The following SYP variants were observed in gnomAD, a reference collection of about 807,000 sequenced individuals.
The protein encoded by SYP is synaptophysin, also known as major synaptic vesicle protein P38.
In SYP, 2 loss-of-function variants were observed where a neutral mutation model predicts 24.3. The observed-to-expected ratio is 0.08, with a 90% CI of 0.03 to 0.26. The LOEUF is 0.26. SYP is among the 10% of genes least tolerant of loss of function. The probability of loss-of-function intolerance (pLI) is 1.00; values close to 1 mark genes in which losing one functional copy is unlikely to be tolerated. For missense variants in SYP, 216 were observed against 266.3 expected, an observed-to-expected ratio of 0.81 and a Z score of 1.32; for synonymous variants, 143 against 123.2, an observed-to-expected ratio of 1.16 and a Z score of -1.07.
Position 49,198,886 on chromosome X carries a change from C to T in SYP, c.102+82G>A, listed in dbSNP as rs181488526. On this transcript the variant is annotated intron_variant, in intron 2 of 6. Coordinates refer to ENST00000263233, the MANE Select transcript of SYP (RefSeq NM_003179.3). ...CCCGCACTCATCCCTGGCTACTCGCCCCTACTCCACCCCTGCTCTTCTGGA... is the reference window on the plus strand; with the variant it reads ...CCCGCACTCATCCCTGGCTACTCGCTCCTACTCCACCCCTGCTCTTCTGGA... 5.3e-4 allele frequency: 573 copies of T among 1,090,793 alleles called. 2 individuals carry two copies. The highest frequency in any genetic ancestry group is 6.7e-4 in the Admixed American group (28 of 41,530). 89.9% of individuals were successfully genotyped at this position (1,090,793 alleles called of 1,213,427 possible).
In SYP at chrX:49,188,953, C is replaced by T. The variant is rs1485235005; in HGVS notation, c.*334G>A. ...GTCACGCCCACCCTCCCCACACAGC[C>T]GAGGTCTGTTCCCTCCCTGTCCTCC... On this transcript the variant is annotated 3_prime_UTR_variant, in exon 7 of 7. Coordinates refer to ENST00000263233, the MANE Select transcript of SYP (RefSeq NM_003179.3). 1 of 109,689 alleles carries T rather than the reference C, an allele frequency of 9.1e-6. No individual in the cohort carries two copies. The highest frequency in any genetic ancestry group is 3.9e-4 in the South Asian group (1 of 2,573). 9.0% of individuals were successfully genotyped at this position (109,689 alleles called of 1,213,427 possible).
intron 3 of SYP, 43 bp downstream of exon 3, chrX:49,197,672 C>G: frequency 1.7e-6 from 2 of 1,198,143 alleles, no homozygotes; most frequent in Non-Finnish European, 2.3e-6. Flanking sequence ...CACCCTGCCC[C>G]TTCCTCTCCC....
At chrX:49,197,012 T>G (rs2065530625) in intron 3 of SYP, 1 of 109,138 alleles carries the variant, frequency 9.2e-6, no homozygotes, top group South Asian at 3.9e-4. Context: ...GGTTTTTTTT[T>G]TTTTGGAGAT....
chrX:49,198,631 A>C (rs1331435899), intron 2 of SYP: 2 of 281,855 alleles, frequency 7.1e-6, no homozygotes, highest in East Asian at 5.7e-5. Flanking sequence ...TCTCTCTGTC[A>C]CCTTCACTGT....
chrX:49,193,985 A>G (rs1050484880), intron 4 of SYP, among the ~76,000 whole-genome samples, 181 bp downstream of exon 4: 5 of 110,302 alleles, frequency 4.5e-5, no homozygotes, highest in Non-Finnish European at 9.5e-5. Context: ...CCGTGACTCT[A>G]TGACTCTGTG....
At chrX:49,194,684 G>C (rs1410808217) in intron 3 of SYP, among the ~76,000 whole-genome samples, 1 of 105,888 alleles carries the variant, frequency 9.4e-6, no homozygotes, top group African/African-American at 3.5e-5. Context: ...AGATAGCTTC[G>C]GGTCTTACTC....
chrX:49,194,522 C>G (rs2065521685), intron 3 of SYP, among the ~76,000 whole-genome samples, 161 bp from the exon 4 acceptor site: 1 of 110,598 alleles, frequency 9.0e-6, no homozygotes. Flanking sequence ...ACTGATTGCT[C>G]AAAACATCCT....
At chrX:49,189,335 C>G (rs1180844124) in intron 6 of SYP, 53 bp from the exon 7 acceptor site, 1 of 109,079 alleles carries the variant, frequency 9.2e-6, no homozygotes, top group Non-Finnish European at 1.9e-5. Flanking sequence ...GGGTGGCGCC[C>G]TCAGATAGGG....
rs1292636148 is a variant in SYP, at chrX:49,197,701, G to A, written c.227+14C>T. ...CTCTCCCAGGTCTGTTGGTATCCCAGGGTGGGAGCACACCTGAAGGGGTAC... is the reference window on the plus strand; with the variant it reads ...CTCTCCCAGGTCTGTTGGTATCCCAAGGTGGGAGCACACCTGAAGGGGTAC... On this transcript the variant is annotated intron_variant, in intron 3 of 6. Coordinates refer to ENST00000263233, the MANE Select transcript of SYP (RefSeq NM_003179.3). 4.2e-6 allele frequency: 5 copies of A among 1,204,650 alleles called. No individual in the cohort carries two copies. Among genetic ancestry groups the A allele is most frequent in the Non-Finnish European group, 5.6e-6 (5 of 892,117 alleles).
At chrX:49,199,207 G>A (rs1557103677) in intron 1 of SYP, 174 bp from the exon 2 acceptor site, 1 of 494,116 alleles carries the variant, frequency 2.0e-6, no homozygotes, top group African/African-American at 2.4e-5. Flanking sequence ...AGGACTGGTG[G>A]GAAGGTCTGA....
At chrX:49,197,588 G>A (rs1387607941) in intron 3 of SYP, 127 bp downstream of exon 3, 1 of 986,567 alleles carries the variant, frequency 1.0e-6, no homozygotes, top group Admixed American at 2.7e-5. Context: ...CAGGTGCTCA[G>A]TGATCCCAGT....
rs782630975 is a variant in SYP at position 49,191,574 on chromosome X, C to T, written c.805G>A (p.Gly269Arg). 13 of 1,208,677 alleles carry T rather than the reference C, an allele frequency of 1.1e-5. No individual in the cohort carries two copies. The South Asian group carries it at 1.6e-4, about 15-fold the overall frequency. The change falls in exon 6 of 7, where the codon GGG (glycine) becomes AGG (arginine). Residue 269 changes from glycine to arginine, a missense_variant. By Grantham distance (125) the Gly-to-Arg change is moderately radical. Transcript: ENST00000263233. ...PGGYGPQDSY[G>R]PQGGYQPDYG... Reference sequence around the variant, plus strand: ...TCAGGCTGGTAGCCGCCCTGAGGCCCGTAGGAATCCTGGGGCCCGTACCCG... The same window carrying T: ...TCAGGCTGGTAGCCGCCCTGAGGCCTGTAGGAATCCTGGGGCCCGTACCCG...
intron 6 of SYP, among the ~76,000 whole-genome samples, chrX:49,190,069 A>G (rs2065500462): frequency 9.0e-6 from 1 of 111,015 alleles, no homozygotes; most frequent in African/African-American, 3.3e-5. Flanking sequence ...CCATCCAAGT[A>G]TTGCCACCTT....
chrX:49,198,048 C>T, intron 2 of SYP: 1 of 462,214 alleles, frequency 2.2e-6, no homozygotes, highest in Non-Finnish European at 3.7e-6. Context: ...CTGTGTCTCT[C>T]TCTGTCTCTG....
intron 6 of SYP, among the ~76,000 whole-genome samples, chrX:49,189,779 C>T (rs782553658): frequency 9.0e-6 from 1 of 111,291 alleles, no homozygotes; most frequent in South Asian, 3.7e-4. Context: ...GTCTAGCATT[C>T]CTAAAGTGCT....
chrX:49,199,322 C>T (rs1557103693), intron 1 of SYP: 5 of 165,263 alleles, frequency 3.0e-5, no homozygotes, highest in Non-Finnish European at 4.1e-5. Flanking sequence ...AAAGGCGAGT[C>T]GGATGGGGAA....
intron 1 of SYP, 47 bp downstream of exon 1, chrX:49,200,102 TAG>T: frequency 8.6e-7 from 1 of 1,159,530 alleles, no homozygotes; most frequent in Non-Finnish European, 1.2e-6. Context: ...CGACCCGGCC[TAG>T]GCAGCCGGGC....
Position 49,191,640 on chromosome X carries a change from C to T in SYP, c.739G>A (p.Gly247Arg). The T allele has an allele frequency of 2.5e-6, 3 of 1,206,870 alleles. No individual in the cohort carries two copies. Among genetic ancestry groups the T allele is most frequent in the South Asian group, 1.8e-5 (1 of 56,501 alleles). ...TAGCCTGCATCGCCGTAGGCGTCCC[C>T]GGGTGCCGGTTGTTTCTCGGGGGCG... ...PGAPEKQPAP[G>R]DAYGDAGYGQ... The change falls in exon 6 of 7, where the codon GGG becomes AGG. Residue 247 changes from glycine (G) to arginine (R), a missense_variant. Gly to Arg is a moderately radical substitution (Grantham distance 125). Transcript: ENST00000263233.
Position 49,191,583 on chromosome X carries a change from C to T in SYP, c.796G>A (p.Asp266Asn). The part of the protein sequence containing the change: ...GQGPGGYGPQ[D>N]SYGPQGGYQP... ...TAGCCGCCCTGAGGCCCGTAGGAAT[C>T]CTGGGGCCCGTACCCGCCGGGGCCC... Residue 266 changes from aspartate to asparagine, a missense_variant, in exon 6 of 7, where the codon GAT (aspartate) becomes AAT (asparagine). This residue lies in a region of SYP where 114 missense variants were observed against 107.9 expected (regional missense o/e 1.06). Coordinates refer to ENST00000263233, the MANE Select transcript of SYP (RefSeq NM_003179.3). The T allele has an allele frequency of 1.7e-6, 2 of 1,210,244 alleles. No homozygotes were observed. The highest frequency in any genetic ancestry group is 2.2e-6 in the Non-Finnish European group (2 of 895,086).
Sources: gnomAD v4.1 joint callset for allele counts (sites outside exome capture counted in the v4.1 genomes callset) on GRCh38, gnomAD v4.1.1 for gene constraint, gnomAD v4.1.1 regional missense constraint, MANE v1.5 for transcripts, NCBI Gene and HGNC (gene_info 2026-07-23, HGNC 2026-07-21) for gene names.